The following VPS35L variants were observed in gnomAD, a reference collection of about 807,000 sequenced individuals.
VPS35L encodes VPS35 endosomal protein sorting factor like.
A neutral mutation model predicts 133.0 loss-of-function variants in VPS35L; 83 were observed. That is an observed-to-expected ratio of 0.62 (90% CI 0.52 to 0.75). The LOEUF is 0.75. Among genes scored for constraint, VPS35L ranks in the 30% least tolerant of loss-of-function variants. VPS35L has a pLI of 0.00. For synonymous variants in VPS35L, 423 were observed against 449.9 expected, an observed-to-expected ratio of 0.94 and a Z score of 0.76; for missense variants, 1,083 against 1,206.8, an observed-to-expected ratio of 0.90 and a Z score of 1.52.
chr16:19,560,720 C>A (rs979177145), intron 1 of VPS35L, among the ~76,000 whole-genome samples: 3 of 151,584 alleles, frequency 2.0e-5, no homozygotes, highest in Non-Finnish European at 4.4e-5. Flanking sequence ...TGAGTGAATC[C>A]AGGAGGCGGA....
chr16:19,645,845 T>C (rs983605559), intron 23 of VPS35L, among the ~76,000 whole-genome samples: 2 of 152,250 alleles, frequency 1.3e-5, no homozygotes, highest in Non-Finnish European at 1.5e-5. Flanking sequence ...CAGACGGTGA[T>C]GGAAACTATG....
intron 1 of VPS35L, among the ~76,000 whole-genome samples, chr16:19,556,296 C>T (rs1002050325): frequency 5.9e-5 from 9 of 152,106 alleles, no homozygotes; most frequent in African/African-American, 1.7e-4. Flanking sequence ...CTAAAGAAGG[C>T]ATTCGGATGA....
At chr16:19,627,206 C>T (rs531111596) in intron 15 of VPS35L, among the ~76,000 whole-genome samples, 41 of 151,874 alleles carry the variant, frequency 2.7e-4, no homozygotes, top group South Asian at 1.7e-3. Context: ...TCACTTGAAC[C>T]CGGGAGGTGG....
intron 29 of VPS35L, among the ~76,000 whole-genome samples, chr16:19,698,904 C>T (rs1189035490): frequency 5.9e-5 from 9 of 152,246 alleles, no homozygotes; most frequent in East Asian, 1.9e-4. Context: ...AGTTCAGGTT[C>T]GGTCTGCCGT....
chr16:19,605,408 C>G (rs910834101), intron 9 of VPS35L, among the ~76,000 whole-genome samples: 1 of 152,178 alleles, frequency 6.6e-6, no homozygotes, highest in African/African-American at 2.4e-5. Context: ...ATGTCATTGC[C>G]ATTCCTGTGC....
intron 2 of VPS35L, among the ~76,000 whole-genome samples, chr16:19,567,147 G>C (rs1012257366): frequency 6.6e-6 from 1 of 152,196 alleles, no homozygotes. Flanking sequence ...TTCACTATGT[G>C]CAGAGAAACC....
chr16:19,654,564 GAAAC>G (rs1376834845), intron 26 of VPS35L, among the ~76,000 whole-genome samples: 1 of 148,662 alleles, frequency 6.7e-6, no homozygotes, highest in African/African-American at 2.5e-5. Context: ...AAAAAAGAAA[GAAAC>G]AACAATGGGT....
At chr16:19,581,388 G>A in intron 6 of VPS35L, 137 bp from the exon 7 acceptor site, 3 of 1,010,300 alleles carry the variant, frequency 3.0e-6, no homozygotes, top group Non-Finnish European at 4.1e-6. Context: ...AAATTGCAAG[G>A]CAAAGCTGTC....
intron 10 of VPS35L, 79 bp from the exon 11 acceptor site, chr16:19,608,895 A>C: frequency 1.5e-6 from 2 of 1,317,350 alleles, no homozygotes; most frequent in Non-Finnish European, 1.1e-6. Flanking sequence ...GCCTACTTCT[A>C]TTCATGGATA....
intron 1 of VPS35L, among the ~76,000 whole-genome samples, chr16:19,564,102 A>G (rs984964016): frequency 1.3e-5 from 2 of 152,146 alleles, no homozygotes; most frequent in Non-Finnish European, 2.9e-5. Flanking sequence ...TTTTTGAGAC[A>G]GAGTCTCACT....
intron 25 of VPS35L, 103 bp downstream of exon 25, chr16:19,650,562 A>T: frequency 1.1e-6 from 1 of 948,850 alleles, no homozygotes; most frequent in Non-Finnish European, 1.7e-6. Context: ...GTATGTCATG[A>T]TAAGAATGGT....
rs1597442332 is a variant in VPS35L, at chr16:19,691,345, T to G, written c.2528-8T>G. ...GGGTCTGTCTCACTGTTCTTGTTTG[T>G]TCAACAGTGGACTCCAACGACAGCC... is the stretch of plus-strand genomic sequence containing the variant. On this transcript the variant is annotated splice_region_variant and splice_polypyrimidine_tract_variant and intron_variant, in intron 28 of 30. Transcript: ENST00000417362. 1.9e-6 allele frequency: 3 copies of G among 1,607,344 alleles called. No homozygotes were observed. The highest frequency in any genetic ancestry group is 2.6e-6 in the Non-Finnish European group (3 of 1,173,966).
intron 2 of VPS35L, among the ~76,000 whole-genome samples, chr16:19,565,719 T>C (rs1025428501): frequency 1.3e-5 from 2 of 152,172 alleles, no homozygotes; most frequent in African/African-American, 4.8e-5. Flanking sequence ...CCTAGCACCA[T>C]TTTTACTCCC....
In VPS35L at chr16:19,581,574, G is replaced by A. The variant is rs1306861368; in HGVS notation, c.560G>A (p.Arg187His). 76 of 1,613,908 alleles carry A rather than the reference G, an allele frequency of 4.7e-5. No individual in the cohort carries two copies. The highest frequency in any genetic ancestry group is 5.4e-5 in the Non-Finnish European group (64 of 1,179,940). Residue 187 changes from arginine to histidine, a missense_variant, in exon 7 of 31, where the codon CGC (arginine) becomes CAC (histidine). Physicochemically the swap from Arg to His is conservative, Grantham distance 29. Coordinates refer to ENST00000417362, the MANE Select transcript of VPS35L (RefSeq NM_020314.7). Reference protein sequence around the residue: ...LNLTQQDYVNRIEELNQSLKD... With the variant: ...LNLTQQDYVNHIEELNQSLKD... Reference sequence around the variant, plus strand: ...TTGACTCAGCAGGATTACGTGAACCGCATAGAGGAGCTCAACCAATCGCTG... The same window carrying A: ...TTGACTCAGCAGGATTACGTGAACCACATAGAGGAGCTCAACCAATCGCTG...
chr16:19,645,891 C>T (rs1973931905), intron 23 of VPS35L, among the ~76,000 whole-genome samples: 1 of 152,220 alleles, frequency 6.6e-6, no homozygotes, highest in Non-Finnish European at 1.5e-5. Flanking sequence ...CACTCCCCAT[C>T]TGTTTTACTT....
chr16:19,685,319 A>C (rs1392289225), intron 28 of VPS35L, among the ~76,000 whole-genome samples: 2 of 152,240 alleles, frequency 1.3e-5, no homozygotes, highest in Non-Finnish European at 2.9e-5. Flanking sequence ...TGGCTGCTTT[A>C]ACTCAGCATG....
intron 18 of VPS35L, 48 bp downstream of exon 18, chr16:19,629,868 G>A (rs761665839): frequency 1.9e-6 from 3 of 1,547,496 alleles, no homozygotes; most frequent in Admixed American, 3.3e-5. Flanking sequence ...ATTTTTTCAT[G>A]TTTATAATAG....
Position 19,603,565 on chromosome 16 carries a change from C to G in VPS35L, c.784+1842C>G, listed in dbSNP as rs552731019. Among the ~76,000 whole-genome samples, 3 of 152,094 alleles carry G rather than the reference C, an allele frequency of 2.0e-5. No individual in the cohort carries two copies. In the East Asian group the frequency reaches 5.8e-4, roughly 29 times the overall value. Reference sequence around the variant, plus strand: ...TGTGGTTTTTCTTTGGGACCCTCCACGCCACTGCGTCACACCTGTGACGAT... The same window carrying G: ...TGTGGTTTTTCTTTGGGACCCTCCAGGCCACTGCGTCACACCTGTGACGAT... On this transcript the variant is annotated intron_variant, in intron 9 of 30. Coordinates refer to ENST00000417362, the MANE Select transcript of VPS35L (RefSeq NM_020314.7).
At chr16:19,621,474 G>T (rs1973079417) in intron 14 of VPS35L, among the ~76,000 whole-genome samples, 1 of 152,190 alleles carries the variant, frequency 6.6e-6, no homozygotes, top group South Asian at 2.1e-4. Context: ...AATAACAAAA[G>T]CCTAAAAAAC....
Sources: gnomAD v4.1 joint callset for allele counts (sites outside exome capture counted in the v4.1 genomes callset) on GRCh38, gnomAD v4.1.1 for gene constraint, MANE v1.5 for transcripts, NCBI Gene and HGNC (gene_info 2026-07-23, HGNC 2026-07-21) for gene names.